Variants in ADAMTS12 observed in about 807,000 individuals in gnomAD.
The protein encoded by ADAMTS12 is ADAM metallopeptidase with thrombospondin type 1 motif 12.
In ADAMTS12, 118 loss-of-function variants were observed where a neutral mutation model predicts 167.8. The observed-to-expected ratio is 0.70, with a 90% confidence interval of 0.61 to 0.82. ADAMTS12 has a LOEUF of 0.82. Among genes scored for constraint, ADAMTS12 ranks in the 40% least tolerant of loss-of-function variants. The pLI, the probability that ADAMTS12 is intolerant of heterozygous loss-of-function variation, is 0.00. For missense variants in ADAMTS12, 1,916 were observed against 1,998.8 expected (o/e 0.96, Z 0.79); for synonymous variants, 704 against 716.9 (o/e 0.98, Z 0.29).
chr5:33,660,944 C>T (rs1246954409), intron 6 of ADAMTS12, among the ~76,000 whole-genome samples: 2 of 152,120 alleles, frequency 1.3e-5, no homozygotes, highest in East Asian at 3.9e-4. Flanking sequence ...GCTGATTATC[C>T]TTCCTTGTAG....
intron 2 of ADAMTS12, among the ~76,000 whole-genome samples, chr5:33,753,881 C>T (rs546306526): frequency 4.6e-5 from 7 of 152,272 alleles, no homozygotes; most frequent in African/African-American, 1.7e-4. Context: ...CCTGTGAGAG[C>T]TGCTGACTCA....
chr5:33,725,376 C>T (rs1173850663), intron 3 of ADAMTS12, among the ~76,000 whole-genome samples: 3 of 152,162 alleles, frequency 2.0e-5, no homozygotes. Context: ...GTGCAAGAGC[C>T]AGCTGTTCCT....
chr5:33,852,245 G>C, intron 2 of ADAMTS12, among the ~76,000 whole-genome samples: 1 of 152,090 alleles, frequency 6.6e-6, no homozygotes, highest in East Asian at 1.9e-4. Flanking sequence ...GAATACTGAA[G>C]GACCAGAAAG....
chr5:33,608,555 T>C (rs1210606954), intron 16 of ADAMTS12, among the ~76,000 whole-genome samples: 3 of 152,188 alleles, frequency 2.0e-5, no homozygotes, highest in Non-Finnish European at 4.4e-5. Flanking sequence ...CCTTTGACTC[T>C]CTGATAGTGG....
At chr5:33,880,916 G>T in intron 2 of ADAMTS12, 1 of 672,726 alleles carries the variant, frequency 1.5e-6, no homozygotes, top group Non-Finnish European at 2.4e-6. Context: ...AACCCTCAGT[G>T]CCCTTACTCT....
At chr5:33,885,478 A>C (rs1750603153) in intron 1 of ADAMTS12, among the ~76,000 whole-genome samples, 1 of 151,926 alleles carries the variant, frequency 6.6e-6, no homozygotes, top group African/African-American at 2.4e-5. Context: ...CAAAATAAAA[A>C]ATAAAAAATA....
chr5:33,795,594 G>T lies in ADAMTS12; in HGVS notation c.490-44046C>A, dbSNP rs117566970. Among the ~76,000 whole-genome samples the T allele has an allele frequency of 5.4e-4, 82 of 152,252 alleles. No homozygotes were observed. The East Asian group carries it at 0.016, about 29-fold the overall frequency. On this transcript the variant is annotated intron_variant, in intron 2 of 23. Transcript: ENST00000504830. ...AGCACAAAGGGACTCCAGCAACTAC[G>T]CTCCTCAGAGGAGCGGTGGTGAATG...
intron 16 of ADAMTS12, among the ~76,000 whole-genome samples, chr5:33,597,090 G>A (rs138922809): frequency 1.4e-3 from 213 of 152,174 alleles, no homozygotes; most frequent in African/African-American, 3.9e-3. Flanking sequence ...AATCAGCACC[G>A]TCATTATCAT....
rs563731900 is a variant in ADAMTS12, at chr5:33,760,067, A to G, written c.490-8519T>C. On this transcript the variant is annotated intron_variant, in intron 2 of 23. Coordinates refer to ENST00000504830, the MANE Select transcript of ADAMTS12 (RefSeq NM_030955.4). Reference sequence around the variant, plus strand: ...TCTAGCGTGAGACCCGGGAATCTGCACTGTAGCAAGCATCCTGAGGTTTCT... The same window carrying G: ...TCTAGCGTGAGACCCGGGAATCTGCGCTGTAGCAAGCATCCTGAGGTTTCT... 6.6e-5 allele frequency among the ~76,000 whole-genome samples: 10 copies of G among 152,326 alleles called. No individual in the cohort carries two copies. The East Asian group carries it at 1.9e-3, about 29-fold the overall frequency.
At chr5:33,546,239 G>T in intron 21 of ADAMTS12, 37 bp from the exon 22 acceptor site, 2 of 1,579,986 alleles carry the variant, frequency 1.3e-6, no homozygotes, top group Non-Finnish European at 1.7e-6. Flanking sequence ...GTAAAAGTCA[G>T]GTGGAGACAT....
chr5:33,785,394 GA>G (rs1033827400), intron 2 of ADAMTS12, among the ~76,000 whole-genome samples: 1 of 152,016 alleles, frequency 6.6e-6, no homozygotes, highest in Non-Finnish European at 1.5e-5. Context: ...TGCAGACAGG[GA>G]AAAATATTTG....
intron 2 of ADAMTS12, among the ~76,000 whole-genome samples, chr5:33,795,914 C>A (rs1271021748): frequency 1.3e-5 from 2 of 152,198 alleles, no homozygotes; most frequent in Non-Finnish European, 2.9e-5. Context: ...CTGAAGAGTC[C>A]ATTCTCTCTT....
Position 33,881,450 on chromosome 5 carries a change from T to C in ADAMTS12, c.158A>G (p.His53Arg). Residue 53 changes from histidine (H) to arginine (R), a missense_variant, in exon 2 of 24, where the codon CAC becomes CGC. By Grantham distance (29) the His-to-Arg change is conservative. Coordinates refer to ENST00000504830, the MANE Select transcript of ADAMTS12 (RefSeq NM_030955.4). ...EHFIKGLPEY[H>R]VVGPVRVDAS... ...ATCTACTCGGACTGGACCCACCACG[T>C]GGTATTCTGGCAGGCCCTTGATAAA... is the stretch of plus-strand genomic sequence containing the variant. 2 of 1,613,398 alleles carry C rather than the reference T, an allele frequency of 1.2e-6. No individual in the cohort carries two copies. The highest frequency in any genetic ancestry group is 1.7e-6 in the Non-Finnish European group (2 of 1,179,912).
intron 22 of ADAMTS12, among the ~76,000 whole-genome samples, chr5:33,538,232 G>C (rs1226298079): frequency 6.6e-6 from 1 of 152,180 alleles, no homozygotes; most frequent in Non-Finnish European, 1.5e-5. Context: ...CATCTTACAT[G>C]GCAGCAGGTG....
intron 3 of ADAMTS12, among the ~76,000 whole-genome samples, chr5:33,696,188 A>G (rs4583889): frequency 1 from 151,432 of 152,040 alleles, 75,418 homozygotes; most frequent in Middle Eastern, 1. Context: ...TTGGGAGGCC[A>G]AGTCGGGCAG....
At chr5:33,559,485 T>C (rs1745636548) in intron 20 of ADAMTS12, among the ~76,000 whole-genome samples, 1 of 152,198 alleles carries the variant, frequency 6.6e-6, no homozygotes, top group South Asian at 2.1e-4. Context: ...GGCTAACTAA[T>C]CTGAAAACCT....
At chr5:33,734,401 A>G (rs1579887227) in intron 3 of ADAMTS12, among the ~76,000 whole-genome samples, 1 of 152,226 alleles carries the variant, frequency 6.6e-6, no homozygotes, top group Non-Finnish European at 1.5e-5. Flanking sequence ...TAACATTAGC[A>G]GAAATCATTG....
chr5:33,882,704 A>T (rs1486674398), intron 1 of ADAMTS12, among the ~76,000 whole-genome samples: 1 of 151,764 alleles, frequency 6.6e-6, no homozygotes, highest in East Asian at 1.9e-4. Flanking sequence ...TGATTCTCCT[A>T]CCTCAGCCTC....
chr5:33,676,428 T>A (rs942974405), intron 5 of ADAMTS12, among the ~76,000 whole-genome samples: 1 of 152,180 alleles, frequency 6.6e-6, no homozygotes, highest in East Asian at 1.9e-4. Context: ...AAACTTCTCA[T>A]GTGTCTAAGG....
Sources: gnomAD v4.1 joint callset for allele counts (sites outside exome capture counted in the v4.1 genomes callset) on GRCh38, gnomAD v4.1.1 for gene constraint, MANE v1.5 for transcripts, NCBI Gene and HGNC (gene_info 2026-07-23, HGNC 2026-07-21) for gene names.